SEMA3D: variants seen among roughly 807,000 people sequenced by gnomAD.
SEMA3D encodes semaphorin 3D.
A neutral mutation model predicts 100.1 loss-of-function variants in SEMA3D; 84 were observed. That is an observed-to-expected ratio of 0.84 (90% CI 0.70 to 1.01). The LOEUF (loss-of-function observed/expected upper bound fraction) is 1.01, where lower values mean the gene tolerates loss of function less well. Ranked by LOEUF, SEMA3D falls within the 50% of genes least tolerant of loss-of-function variation. SEMA3D has a pLI of 0.00. For missense variants in SEMA3D, 875 were observed against 934.1 expected, an observed-to-expected ratio of 0.94 and a Z score of 0.82; for synonymous variants, 312 against 320.7, an observed-to-expected ratio of 0.97 and a Z score of 0.29.
At chr7:85,019,319 C>G (rs1790191092) in intron 14 of SEMA3D, among the ~76,000 whole-genome samples, 1 of 151,698 alleles carries the variant, frequency 6.6e-6, no homozygotes, top group Non-Finnish European at 1.5e-5. Context: ...TGGGTTCACA[C>G]TTATGTTTGA....
At chr7:85,249,517 C>T in the SEMA3D span, among the ~76,000 whole-genome samples, 14 of 152,270 alleles carry the variant, frequency 9.2e-5, no homozygotes, top group Admixed American at 7.8e-4. Context: ...ACATACAACT[C>T]GAACAGTAGA....
chr7:85,184,247 T>C (rs1791479063), intron 1 of SEMA3D, among the ~76,000 whole-genome samples: 1 of 152,168 alleles, frequency 6.6e-6, no homozygotes, highest in East Asian at 1.9e-4. Context: ...GACAACTTTC[T>C]TGAAGTTTCT....
rs898465458 is a variant in SEMA3D, at chr7:85,151,750, A to G, written c.-41+1858T>C. 9.0e-6 allele frequency: 8 copies of G among 888,224 alleles called. No individual in the cohort carries two copies. In the African/African-American group the frequency reaches 1.3e-4, roughly 14 times the overall value. The allele number at this position is 888,224 out of a possible 1,614,324, so 55.0% of individuals were successfully genotyped here. A position where few individuals can be genotyped will look rare whatever the true frequency, so the allele number is the denominator to read the frequency against. On this transcript the variant is annotated intron_variant, in intron 2 of 18. Transcript: ENST00000284136. ...TAATATTTTCTGTTTAGTTCATCAC[A>G]TTGACCTGAAGTAGAACTTAAACTA... is the stretch of plus-strand genomic sequence containing the variant.
intron 12 of SEMA3D, among the ~76,000 whole-genome samples, chr7:85,034,105 C>T (rs1317110962): frequency 1.3e-5 from 2 of 151,896 alleles, no homozygotes; most frequent in African/African-American, 4.8e-5. Flanking sequence ...CCTGTCGGTG[C>T]CTGACATTCC....
chr7:85,168,825 G>GAAAGAA (rs1790992865), intron 1 of SEMA3D, among the ~76,000 whole-genome samples: 3 of 24,102 alleles, frequency 1.2e-4, no homozygotes, highest in African/African-American at 3.3e-4. Flanking sequence ...AAAGATGAAA[G>GAAAGAA]AAAGAAAGAA....
Position 85,142,386 on chromosome 7 carries a change from T to G in SEMA3D, c.-41+11222A>C, listed in dbSNP as rs911850279. The G allele has an allele frequency of 1.7e-5, 15 of 898,704 alleles. No homozygotes were observed. In the African/African-American group the frequency reaches 2.5e-4, roughly 15 times the overall value. 55.7% of individuals were successfully genotyped at this position (898,704 alleles called of 1,614,324 possible). A position where few individuals can be genotyped will look rare whatever the true frequency, so the allele number is the denominator to read the frequency against. On this transcript the variant is annotated intron_variant, in intron 2 of 18. Coordinates refer to ENST00000284136, the MANE Select transcript of SEMA3D (RefSeq NM_001384900.1). The stretch of plus-strand genomic sequence containing the variant: ...AAAATTTATTTCTCTAGACATGAAA[T>G]TATAACCTTATTTAAAACTCAATAA...
intron 1 of SEMA3D, among the ~76,000 whole-genome samples, chr7:85,162,246 A>G (rs1790767709): frequency 6.6e-6 from 1 of 152,118 alleles, no homozygotes. Flanking sequence ...ACTGCCCAAC[A>G]AGTGATCCTT....
chr7:85,121,765 G>A lies in SEMA3D; in HGVS notation c.127C>T (p.Pro43Ser). The part of the protein sequence containing the change: ...PVTGTLKQNI[P>S]RLKLTYKDLL... ...CCTTTGTAGGTTAGCTTGAGTCTTG[G>A]AATATTTTGCTTCAAAGTGCCAGTG... The change falls in exon 3 of 19, where the codon CCA (proline) becomes TCA (serine). Residue 43 changes from proline (P) to serine (S), a missense_variant. Physicochemically the swap from Pro to Ser is moderately conservative, Grantham distance 74. Transcript: ENST00000284136. 6.3e-7 allele frequency: 1 copy of A among 1,595,886 alleles called. No individual in the cohort carries two copies. The highest frequency in any genetic ancestry group is 8.6e-7 in the Non-Finnish European group (1 of 1,169,588).
At chr7:85,040,248 G>T (rs1162973442) in intron 11 of SEMA3D, among the ~76,000 whole-genome samples, 1 of 151,962 alleles carries the variant, frequency 6.6e-6, no homozygotes, top group African/African-American at 2.4e-5. Flanking sequence ...AAAGTGCTGG[G>T]ATTATAGGAG....
the SEMA3D span, among the ~76,000 whole-genome samples, chr7:85,244,763 T>C: frequency 6.9e-6 from 1 of 145,154 alleles, no homozygotes; most frequent in Non-Finnish European, 1.5e-5. Context: ...CAGGCTGGAG[T>C]GCAGTGGTGC....
chr7:85,035,274 T>C (rs1036605869), intron 12 of SEMA3D, among the ~76,000 whole-genome samples: 10 of 151,508 alleles, frequency 6.6e-5, no homozygotes, highest in Non-Finnish European at 1.5e-4. Flanking sequence ...ATATGATATA[T>C]GCATCATATA....
intron 8 of SEMA3D, among the ~76,000 whole-genome samples, 160 bp downstream of exon 8, chr7:85,065,264 G>A (rs978562623): frequency 6.6e-6 from 1 of 152,066 alleles, no homozygotes; most frequent in Admixed American, 6.6e-5. Context: ...TAAACAAAAG[G>A]TTTTGGAGAT....
At chr7:85,150,891 A>G (rs1790360905) in intron 2 of SEMA3D, among the ~76,000 whole-genome samples, 1 of 152,046 alleles carries the variant, frequency 6.6e-6, no homozygotes, top group Non-Finnish European at 1.5e-5. Flanking sequence ...GAATGGTGTT[A>G]TTTTGTGTTT....
At chr7:85,154,472 G>A (rs1297643313) in intron 1 of SEMA3D, among the ~76,000 whole-genome samples, 1 of 152,032 alleles carries the variant, frequency 6.6e-6, no homozygotes, top group East Asian at 1.9e-4. Flanking sequence ...CCATGTTGTG[G>A]GGCGGGGGTT....
At chr7:85,057,991 A>G (rs142475523) in intron 8 of SEMA3D, among the ~76,000 whole-genome samples, 2 of 152,318 alleles carry the variant, frequency 1.3e-5, no homozygotes, top group Admixed American at 1.3e-4. Flanking sequence ...TATTCAGTCA[A>G]TATCGTCTCA....
chr7:85,036,447 G>C (rs1480660581), intron 12 of SEMA3D, among the ~76,000 whole-genome samples: 2 of 152,048 alleles, frequency 1.3e-5, no homozygotes, highest in Non-Finnish European at 2.9e-5. Flanking sequence ...AAAGATAAAT[G>C]CATACCAAAA....
At chr7:85,085,472 C>T (rs1305054347) in intron 4 of SEMA3D, among the ~76,000 whole-genome samples, 2 of 152,124 alleles carry the variant, frequency 1.3e-5, no homozygotes, top group Admixed American at 6.5e-5. Context: ...CTCTTTATAT[C>T]GTTTTTGAAA....
chr7:85,174,171 A>G (rs960418996), intron 1 of SEMA3D, among the ~76,000 whole-genome samples: 6 of 152,154 alleles, frequency 3.9e-5, no homozygotes, highest in Admixed American at 3.9e-4. Context: ...CAAGACTACA[A>G]ATAGGTCCTT....
At chr7:85,022,899 G>A (rs1790295627) in intron 12 of SEMA3D, among the ~76,000 whole-genome samples, 1 of 151,790 alleles carries the variant, frequency 6.6e-6, no homozygotes, top group South Asian at 2.1e-4. Flanking sequence ...TGTTTCTAAT[G>A]AAGATATTTG....
Sources: gnomAD v4.1 joint callset for allele counts (sites outside exome capture counted in the v4.1 genomes callset) on GRCh38, gnomAD v4.1.1 for gene constraint, MANE v1.5 for transcripts, NCBI Gene and HGNC (gene_info 2026-07-23, HGNC 2026-07-21) for gene names.